Variants in DSCAM observed in about 807,000 individuals in gnomAD.
DSCAM encodes the protein DS cell adhesion molecule, also known as cell adhesion molecule DSCAM.
DSCAM carries 47 observed loss-of-function variants against 217.7 expected under a neutral mutation model. The ratio of observed to expected loss-of-function variants is 0.22; its 90% CI spans 0.17 to 0.28. The LOEUF (loss-of-function observed/expected upper bound fraction) is 0.28, where lower values mean the gene tolerates loss of function less well. Ranked by LOEUF, DSCAM falls within the 10% of genes least tolerant of loss-of-function variation. DSCAM has a pLI of 1.00. For missense variants in DSCAM, 2,080 were observed against 2,618.3 expected, an observed-to-expected ratio of 0.79 and a Z score of 4.49; for synonymous variants, 1,056 against 1,015.3, an observed-to-expected ratio of 1.04 and a Z score of -0.76.
At chr21:40,197,542 T>TA (rs548896441) in intron 11 of DSCAM, among the ~76,000 whole-genome samples, 3 of 152,306 alleles carry the variant, frequency 2.0e-5, no homozygotes, top group South Asian at 4.1e-4. Context: ...GTAAGTTTAT[T>TA]AAAAAATCAA....
chr21:40,596,971 A>G (rs949443580), intron 3 of DSCAM, among the ~76,000 whole-genome samples: 2 of 152,212 alleles, frequency 1.3e-5, no homozygotes, highest in Non-Finnish European at 2.9e-5. Context: ...AAACAGCATC[A>G]TCTTCTACAC....
chr21:40,829,325 A>C (rs1385095157), intron 1 of DSCAM, among the ~76,000 whole-genome samples: 4 of 152,180 alleles, frequency 2.6e-5, no homozygotes, highest in Non-Finnish European at 5.9e-5. Flanking sequence ...GGAGGTGAGA[A>C]AGGTGTGAAG....
chr21:40,837,524 G>A (rs2092066739), intron 1 of DSCAM, among the ~76,000 whole-genome samples: 1 of 152,162 alleles, frequency 6.6e-6, no homozygotes. Flanking sequence ...CTATTGATTT[G>A]GGTGAGTCAT....
At chr21:40,547,788 A>T (rs2076595543) in intron 3 of DSCAM, among the ~76,000 whole-genome samples, 1 of 152,188 alleles carries the variant, frequency 6.6e-6, no homozygotes, top group South Asian at 2.1e-4. Flanking sequence ...AATGTGCCTC[A>T]AATTGTTCAA....
chr21:40,367,104 T>C (rs1427030252), intron 4 of DSCAM, among the ~76,000 whole-genome samples: 1 of 152,190 alleles, frequency 6.6e-6, no homozygotes, highest in African/African-American at 2.4e-5. Flanking sequence ...CACTGGCCTG[T>C]GCAAACATTA....
intron 1 of DSCAM, among the ~76,000 whole-genome samples, chr21:40,752,731 ATGCAGATGTTCAAAGG>A: frequency 6.6e-6 from 1 of 152,120 alleles, no homozygotes. Flanking sequence ...CTGGATAAGA[ATGCAGATGTTCAAAGG>A]AAGCCCTGAA....
chr21:40,354,041 C>T (rs1250037319), intron 4 of DSCAM, among the ~76,000 whole-genome samples: 9 of 152,188 alleles, frequency 5.9e-5, no homozygotes, highest in Non-Finnish European at 1.3e-4. Flanking sequence ...GGCCAAAAAT[C>T]AGATTGTCTT....
chr21:40,332,545 A>G (rs2074388304), intron 8 of DSCAM, among the ~76,000 whole-genome samples: 1 of 152,194 alleles, frequency 6.6e-6, no homozygotes, highest in Non-Finnish European at 1.5e-5. Context: ...GGCAGTGTTG[A>G]TCCCCAGCAA....
intron 32 of DSCAM, among the ~76,000 whole-genome samples, chr21:40,033,836 A>AC (rs562638873): frequency 8.7e-5 from 13 of 148,886 alleles, no homozygotes; most frequent in African/African-American, 3.1e-4. Context: ...ACATCTGAGA[A>AC]GGGCAGACTG....
intron 3 of DSCAM, among the ~76,000 whole-genome samples, chr21:40,516,520 G>C (rs571077393): frequency 8.9e-4 from 136 of 152,222 alleles, no homozygotes; most frequent in Middle Eastern, 3.4e-3. Context: ...TGTGAGGAAC[G>C]GTGGCATGCC....
At chr21:40,279,789 G>A (rs1356687721) in intron 10 of DSCAM, among the ~76,000 whole-genome samples, 1 of 152,128 alleles carries the variant, frequency 6.6e-6, no homozygotes, top group Non-Finnish European at 1.5e-5. Flanking sequence ...GGAATACTAT[G>A]CAGCCATAAA....
At chr21:40,382,120 G>T (rs1228886346) in intron 3 of DSCAM, among the ~76,000 whole-genome samples, 1 of 152,066 alleles carries the variant, frequency 6.6e-6, no homozygotes, top group Non-Finnish European at 1.5e-5. Context: ...AAGGCTAATC[G>T]TCTTTTAGCA....
chr21:40,585,002 T>G (rs1313236054), intron 3 of DSCAM, among the ~76,000 whole-genome samples: 1 of 151,998 alleles, frequency 6.6e-6, no homozygotes, highest in Non-Finnish European at 1.5e-5. Context: ...AGCTGGTTGT[T>G]AAAAAGAGCC....
intron 32 of DSCAM, among the ~76,000 whole-genome samples, chr21:40,037,810 A>G (rs1454707537): frequency 7.1e-6 from 1 of 141,794 alleles, no homozygotes; most frequent in Non-Finnish European, 1.5e-5. Context: ...TACTGGTACC[A>G]AAACACAGAT....
At chr21:40,305,911 A>C (rs1379901617) in intron 9 of DSCAM, among the ~76,000 whole-genome samples, 1 of 152,114 alleles carries the variant, frequency 6.6e-6, no homozygotes, top group East Asian at 1.9e-4. Context: ...CTTAGGATTG[A>C]CTTGGCGACG....
At chr21:40,599,397 A>C (rs553726737) in intron 3 of DSCAM, among the ~76,000 whole-genome samples, 4 of 152,146 alleles carry the variant, frequency 2.6e-5, no homozygotes, top group African/African-American at 9.7e-5. Flanking sequence ...GGCTGGCCTC[A>C]GTATGTGTTG....
chr21:40,628,908 G>T (rs1568948180), intron 3 of DSCAM, among the ~76,000 whole-genome samples: 2 of 152,210 alleles, frequency 1.3e-5, no homozygotes, highest in African/African-American at 4.8e-5. Context: ...CCACCATGTA[G>T]CTAATTTTTG....
chr21:40,068,042 T>G (rs1481552422), intron 27 of DSCAM, among the ~76,000 whole-genome samples: 1 of 152,062 alleles, frequency 6.6e-6, no homozygotes, highest in Non-Finnish European at 1.5e-5. Context: ...CGCTTGCTAC[T>G]CCCACACTTC....
intron 11 of DSCAM, among the ~76,000 whole-genome samples, chr21:40,211,942 T>A (rs2091188841): frequency 6.7e-6 from 1 of 148,584 alleles, no homozygotes; most frequent in African/African-American, 2.5e-5. Flanking sequence ...GGTTTTGTTG[T>A]GGGAGACTGA....
Sources: allele counts gnomAD v4.1 joint callset (sites outside exome capture counted in the v4.1 genomes callset), GRCh38; gene constraint gnomAD v4.1.1; transcripts MANE v1.5; gene names NCBI Gene and HGNC (gene_info 2026-07-23, HGNC 2026-07-21).